The following LRMDA variants were observed in gnomAD, a reference collection of about 807,000 sequenced individuals.
LRMDA encodes leucine rich melanocyte differentiation associated.
LRMDA carries 18 observed loss-of-function variants against 29.8 expected under a neutral mutation model. The ratio of observed to expected loss-of-function variants is 0.60; its 90% CI spans 0.42 to 0.90. The LOEUF is 0.90. LRMDA is among the 40% of genes least tolerant of loss of function. The pLI, the probability that LRMDA is intolerant of heterozygous loss-of-function variation, is 0.00. For synonymous variants in LRMDA, 125 were observed against 109.4 expected (o/e 1.14, Z -0.89); for missense variants, 273 against 273.9 (o/e 1.00, Z 0.02).
At chr10:76,392,435 T>G (rs1349445699) in intron 6 of LRMDA, among the ~76,000 whole-genome samples, 2 of 152,160 alleles carry the variant, frequency 1.3e-5, no homozygotes, top group Non-Finnish European at 2.9e-5. Context: ...TGAGTATCCC[T>G]TATCTGAAAT....
intron 6 of LRMDA, among the ~76,000 whole-genome samples, chr10:76,374,452 C>A (rs1192317815): frequency 6.6e-6 from 1 of 152,120 alleles, no homozygotes; most frequent in Non-Finnish European, 1.5e-5. Context: ...ACAGAGCATA[C>A]TGCACAAGAT....
At chr10:75,711,393 A>C (rs564313888) in intron 2 of LRMDA, among the ~76,000 whole-genome samples, 109 of 152,274 alleles carry the variant, frequency 7.2e-4, no homozygotes, top group African/African-American at 2.4e-3. Context: ...CATACATGAA[A>C]ATGCTTTGCA....
intron 6 of LRMDA, among the ~76,000 whole-genome samples, chr10:76,494,960 T>G (rs1368744318): frequency 6.6e-6 from 1 of 151,924 alleles, no homozygotes; most frequent in Non-Finnish European, 1.5e-5. Flanking sequence ...TGTATCTTTC[T>G]TAACAATGTC....
intron 2 of LRMDA, among the ~76,000 whole-genome samples, chr10:75,893,568 A>G (rs1845531121): frequency 6.6e-6 from 1 of 152,352 alleles, no homozygotes; most frequent in East Asian, 1.9e-4. Flanking sequence ...GCTACATCTC[A>G]GAATCACCTG....
intron 6 of LRMDA, among the ~76,000 whole-genome samples, chr10:76,336,121 C>G (rs1254292940): frequency 8.4e-6 from 1 of 118,368 alleles, no homozygotes; most frequent in Non-Finnish European, 1.6e-5. Flanking sequence ...AATCACCATT[C>G]CCCAAGGCCT....
rs553855100 is a variant in LRMDA, at chr10:75,909,525, T to TA, written c.132-126482dup. 1.4e-3 allele frequency among the ~76,000 whole-genome samples: 213 copies of TA among 152,176 alleles called. 1 individual carries two copies. The highest frequency in any genetic ancestry group is 4.4e-3 in the African/African-American group (182 of 41,478). ...TCTTGCACTGATGTATTTTTTTTTT[T>TA]ATTCTGTAAGTTGTGGTACATGGTA... On this transcript the variant is annotated intron_variant, in intron 2 of 6. Coordinates refer to ENST00000611255, the MANE Select transcript of LRMDA (RefSeq NM_001305581.2).
At chr10:76,511,593 C>A (rs955745861) in intron 6 of LRMDA, among the ~76,000 whole-genome samples, 3 of 151,606 alleles carry the variant, frequency 2.0e-5, no homozygotes, top group Admixed American at 1.3e-4. Context: ...TTACAAAGAA[C>A]TATCCAAAAA....
At chr10:76,341,741 C>T (rs1589143795) in intron 6 of LRMDA, among the ~76,000 whole-genome samples, 1 of 152,082 alleles carries the variant, frequency 6.6e-6, no homozygotes, top group Admixed American at 6.5e-5. Context: ...TGGCTAAGGG[C>T]CCCCCTTTCC....
chr10:76,152,445 C>T (rs1850463054), intron 5 of LRMDA, among the ~76,000 whole-genome samples: 1 of 152,000 alleles, frequency 6.6e-6, no homozygotes, highest in South Asian at 2.1e-4. Flanking sequence ...TTGGTTATTT[C>T]TACATTTTGG....
chr10:75,811,917 C>A (rs1009062186), intron 2 of LRMDA, among the ~76,000 whole-genome samples: 4 of 152,140 alleles, frequency 2.6e-5, no homozygotes, highest in South Asian at 2.1e-4. Context: ...GTGAATTATA[C>A]TTTATTAGGA....
intron 2 of LRMDA, among the ~76,000 whole-genome samples, chr10:75,855,824 C>T (rs183135318): frequency 6.6e-6 from 1 of 152,280 alleles, no homozygotes; most frequent in Non-Finnish European, 1.5e-5. Context: ...AATATGGAAT[C>T]GTTTCCCCAT....
rs145669343 is a variant in LRMDA, at chr10:76,527,415, C to T, written c.602-29794C>T. 1.7e-3 allele frequency among the ~76,000 whole-genome samples: 264 copies of T among 152,248 alleles called. 1 individual carries two copies. The highest frequency in any genetic ancestry group is 6.0e-3 in the African/African-American group (250 of 41,558). On this transcript the variant is annotated intron_variant, in intron 6 of 6. Coordinates refer to ENST00000611255, the MANE Select transcript of LRMDA (RefSeq NM_001305581.2). ...GTGTAATCTCATGCAAATTACATAA[C>T]CTCTCTGCAGATTGAACTTTTGGAG... is the stretch of plus-strand genomic sequence containing the variant.
intron 2 of LRMDA, among the ~76,000 whole-genome samples, chr10:75,461,812 T>C (rs1326146111): frequency 6.6e-6 from 1 of 152,170 alleles, no homozygotes; most frequent in Admixed American, 6.5e-5. Context: ...AGGCCGCTGC[T>C]GGGACAGGGA....
At chr10:76,147,034 G>T (rs1384363156) in intron 5 of LRMDA, among the ~76,000 whole-genome samples, 1 of 152,226 alleles carries the variant, frequency 6.6e-6, no homozygotes, top group Non-Finnish European at 1.5e-5. Flanking sequence ...CTGGCTTGCA[G>T]AGTTTCTGCT....
At position 75,506,773 on chromosome 10, in the gene LRMDA, T is replaced by A. The variant is rs554753012; in HGVS notation, c.131+68279T>A. Among the ~76,000 whole-genome samples, 65 of 152,342 alleles carry A rather than the reference T, an allele frequency of 4.3e-4. No homozygotes were observed. The South Asian group carries it at 0.01, about 24-fold the overall frequency. ...ATGTCTTTCCCCATGGAAATCTTGG[T>A]GCCTGGTGTCTTGGAGTGTGAAAGC... is the stretch of plus-strand genomic sequence containing the variant. On this transcript the variant is annotated intron_variant, in intron 2 of 6. Transcript: ENST00000611255.
intron 2 of LRMDA, among the ~76,000 whole-genome samples, chr10:75,641,741 G>A (rs1434374028): frequency 2.6e-5 from 4 of 152,020 alleles, no homozygotes; most frequent in East Asian, 1.9e-4. Context: ...AGCCCTTGCC[G>A]TGATTTAGAT....
At chr10:75,963,220 G>T (rs946700552) in intron 2 of LRMDA, among the ~76,000 whole-genome samples, 5 of 152,154 alleles carry the variant, frequency 3.3e-5, no homozygotes, top group Non-Finnish European at 1.5e-5. Context: ...AGGGTCTTCT[G>T]TATAGTAATA....
intron 2 of LRMDA, among the ~76,000 whole-genome samples, chr10:75,738,865 A>C (rs1842796474): frequency 6.6e-6 from 1 of 152,060 alleles, no homozygotes; most frequent in South Asian, 2.1e-4. Flanking sequence ...TGGTCTGCCG[A>C]GAGTCTGTGA....
At chr10:75,815,109 A>G (rs1002904288) in intron 2 of LRMDA, among the ~76,000 whole-genome samples, 3 of 152,164 alleles carry the variant, frequency 2.0e-5, no homozygotes, top group South Asian at 2.1e-4. Flanking sequence ...AACTACTTCA[A>G]TGGAATCCCT....
Sources: allele counts gnomAD v4.1 joint callset (sites outside exome capture counted in the v4.1 genomes callset), GRCh38; gene constraint gnomAD v4.1.1; transcripts MANE v1.5; gene names NCBI Gene and HGNC (gene_info 2026-07-23, HGNC 2026-07-21).